BBX: variants seen among roughly 807,000 people sequenced by gnomAD.
BBX encodes BBX high mobility group box domain containing.
BBX carries 30 observed loss-of-function variants against 100.2 expected under a neutral mutation model. The observed-to-expected ratio is 0.30, with a 90% CI of 0.22 to 0.41. The LOEUF (loss-of-function observed/expected upper bound fraction) is 0.41. Among genes scored for constraint, BBX ranks in the 10% least tolerant of loss-of-function variants. The probability of loss-of-function intolerance (pLI) is 1.00; values close to 1 mark genes in which losing one functional copy is unlikely to be tolerated. For synonymous variants in BBX, 376 were observed against 388.1 expected (o/e 0.97, Z 0.37); for missense variants, 1,023 against 1,129.8 (o/e 0.91, Z 1.35).
At chr3:107,552,021 C>T (rs1201352235) in intron 2 of BBX, among the ~76,000 whole-genome samples, 1 of 152,002 alleles carries the variant, frequency 6.6e-6, no homozygotes, top group African/African-American at 2.4e-5. Context: ...TTTGTTTCAG[C>T]TGTGAGAGTT....
intron 5 of BBX, among the ~76,000 whole-genome samples, chr3:107,718,902 A>G (rs745786875): frequency 1.3e-5 from 2 of 152,202 alleles, no homozygotes; most frequent in Non-Finnish European, 2.9e-5. Context: ...TGCAAAGTGT[A>G]GAAGATTCGG....
In BBX at chr3:107,791,402, C is replaced by T. The variant is rs2069015642; in HGVS notation, c.2353+103C>T. 3 of 930,938 alleles carry T rather than the reference C, an allele frequency of 3.2e-6. No homozygotes were observed. In the Admixed American group the frequency reaches 6.2e-5, roughly 19 times the overall value. The allele number at this position is 930,938 out of a possible 1,614,324, so 57.7% of individuals were successfully genotyped here. On this transcript the variant is annotated intron_variant, in intron 15 of 17. Transcript: ENST00000325805. ...TAATTTATATAGGTTTAAACAACAG[C>T]ACTAGACTTATGTGTTCATAATTAG...
At position 107,805,667 on chromosome 3, in the gene BBX, G is replaced by C; in HGVS notation, c.*210G>C. The C allele has an allele frequency of 1.2e-6, 1 of 841,156 alleles. No homozygotes were observed. Among genetic ancestry groups the C allele is most frequent in the South Asian group, 2.1e-5 (1 of 48,400 alleles). The allele number at this position is 841,156 out of a possible 1,614,324, so 52.1% of individuals were successfully genotyped here. A position where few individuals can be genotyped will look rare whatever the true frequency, so the allele number is the denominator to read the frequency against. On this transcript the variant is annotated 3_prime_UTR_variant, in exon 18 of 18. Transcript: ENST00000325805. Reference sequence around the variant, plus strand: ...AGAATCTTTGAGGGTAAGGTTATCTGTCTGATACTGAGCAGAAACAGAATG... The same window carrying C: ...AGAATCTTTGAGGGTAAGGTTATCTCTCTGATACTGAGCAGAAACAGAATG...
At chr3:107,778,613 T>G (rs931263785) in intron 13 of BBX, 94 bp downstream of exon 13, 8 of 1,384,906 alleles carry the variant, frequency 5.8e-6, no homozygotes, top group African/African-American at 1.5e-5. Context: ...ATCATTGGAT[T>G]TGGAATTGAG....
intron 11 of BBX, 105 bp from the exon 12 acceptor site, chr3:107,774,614 G>A (rs1393489657): frequency 1.9e-5 from 24 of 1,234,646 alleles, no homozygotes; most frequent in Non-Finnish European, 2.7e-5. Flanking sequence ...TTAGCTTCAT[G>A]CAAATGATAT....
At chr3:107,774,325 C>T (rs1484044712) in intron 11 of BBX, among the ~76,000 whole-genome samples, 1 of 152,090 alleles carries the variant, frequency 6.6e-6, no homozygotes, top group African/African-American at 2.4e-5. Flanking sequence ...CTAACAAGCC[C>T]CAAATGAAGA....
intron 2 of BBX, among the ~76,000 whole-genome samples, chr3:107,562,705 A>C (rs555711482): frequency 6.6e-6 from 1 of 152,176 alleles, no homozygotes; most frequent in Non-Finnish European, 1.5e-5. Flanking sequence ...TTTTAGAATG[A>C]AAATAAAGCT....
At chr3:107,784,491 A>T (rs2068219036) in intron 13 of BBX, among the ~76,000 whole-genome samples, 1 of 151,996 alleles carries the variant, frequency 6.6e-6, no homozygotes, top group African/African-American at 2.4e-5. Context: ...TTTAAAAATC[A>T]GTAGTAGAAA....
intron 13 of BBX, among the ~76,000 whole-genome samples, chr3:107,779,538 G>T (rs1203833548): frequency 1.3e-5 from 2 of 152,072 alleles, no homozygotes; most frequent in African/African-American, 4.8e-5. Context: ...GGATTTGCTG[G>T]AAGAGTTATT....
intron 5 of BBX, among the ~76,000 whole-genome samples, chr3:107,718,495 T>C (rs930387629): frequency 6.6e-6 from 1 of 151,734 alleles, no homozygotes; most frequent in Non-Finnish European, 1.5e-5. Flanking sequence ...TAGCCTTACA[T>C]TTTTCATAGT....
At chr3:107,616,367 G>A (rs1184468181) in intron 2 of BBX, among the ~76,000 whole-genome samples, 1 of 152,100 alleles carries the variant, frequency 6.6e-6, no homozygotes, top group Non-Finnish European at 1.5e-5. Context: ...TACTCAGCCT[G>A]TAATACAGAG....
chr3:107,687,277 A>C (rs999719754), intron 3 of BBX, among the ~76,000 whole-genome samples: 1 of 152,148 alleles, frequency 6.6e-6, no homozygotes, highest in Non-Finnish European at 1.5e-5. Context: ...GGAGTGAGAC[A>C]AATATACAAA....
chr3:107,655,617 C>G (rs2058090722), intron 3 of BBX, among the ~76,000 whole-genome samples: 1 of 149,250 alleles, frequency 6.7e-6, no homozygotes, highest in Non-Finnish European at 1.5e-5. Context: ...CTACTGGGCT[C>G]AAGTGATCCT....
chr3:107,570,973 C>A (rs916089968), intron 2 of BBX, among the ~76,000 whole-genome samples: 2 of 152,128 alleles, frequency 1.3e-5, no homozygotes, highest in Non-Finnish European at 2.9e-5. Context: ...ATGGAGAAAT[C>A]AAAAGTGTTG....
In BBX at chr3:107,807,836, C is replaced by G. The variant is rs2071137679; in HGVS notation, c.*2379C>G. Reference sequence around the variant, plus strand: ...GGGTTGGGGGTGGGAGGGCAACTTACTGGAGATGACTGTTTTCAGATACTT... The same window carrying G: ...GGGTTGGGGGTGGGAGGGCAACTTAGTGGAGATGACTGTTTTCAGATACTT... On this transcript the variant is annotated 3_prime_UTR_variant, in exon 18 of 18. Coordinates refer to ENST00000325805, the MANE Select transcript of BBX (RefSeq NM_001142568.3). The G allele has an allele frequency of 1.3e-5, 2 of 152,076 alleles. No homozygotes were observed. Among genetic ancestry groups the G allele is most frequent in the Non-Finnish European group, 2.9e-5 (2 of 68,022 alleles). 9.4% of individuals were successfully genotyped at this position (152,076 alleles called of 1,614,324 possible). A position where few individuals can be genotyped will look rare whatever the true frequency, so the allele number is the denominator to read the frequency against.
intron 3 of BBX, among the ~76,000 whole-genome samples, chr3:107,688,118 A>G (rs893518543): frequency 5.3e-5 from 8 of 152,172 alleles, no homozygotes; most frequent in African/African-American, 1.7e-4. Context: ...CTGTTCCCAG[A>G]TTATCTTTGA....
intron 3 of BBX, among the ~76,000 whole-genome samples, chr3:107,708,359 T>TC (rs2061507979): frequency 6.6e-6 from 1 of 152,184 alleles, no homozygotes; most frequent in South Asian, 2.1e-4. Context: ...CCTTTCTTTT[T>TC]CTTGACTGGA....
intron 2 of BBX, among the ~76,000 whole-genome samples, chr3:107,547,378 T>G (rs936376829): frequency 5.3e-5 from 8 of 152,272 alleles, no homozygotes; most frequent in East Asian, 1.9e-4. Flanking sequence ...AAGTGATGAT[T>G]GTGCCCTCCA....
intron 2 of BBX, among the ~76,000 whole-genome samples, chr3:107,553,989 A>C (rs1462548720): frequency 6.6e-6 from 1 of 152,062 alleles, no homozygotes; most frequent in Non-Finnish European, 1.5e-5. Context: ...TAATTACCCT[A>C]TTTGTCTATT....
Sources: allele counts gnomAD v4.1 joint callset (sites outside exome capture counted in the v4.1 genomes callset), GRCh38; gene constraint gnomAD v4.1.1; transcripts MANE v1.5; gene names NCBI Gene and HGNC (gene_info 2026-07-23, HGNC 2026-07-21).